Variants in GOLPH3L observed in about 807,000 individuals in gnomAD.
The protein encoded by GOLPH3L is golgi phosphoprotein 3 like.
GOLPH3L carries 22 observed loss-of-function variants against 30.3 expected under a neutral mutation model. The ratio of observed to expected loss-of-function variants is 0.73; its 90% CI spans 0.52 to 1.04. The LOEUF (loss-of-function observed/expected upper bound fraction) is 1.04. Ranked by LOEUF, GOLPH3L falls within the 50% of genes least tolerant of loss-of-function variation. The pLI is 0.00. For missense variants in GOLPH3L, 303 were observed against 345.8 expected, an observed-to-expected ratio of 0.88 and a Z score of 0.98; for synonymous variants, 120 against 128.2, an observed-to-expected ratio of 0.94 and a Z score of 0.43.
intron 2 of GOLPH3L, among the ~76,000 whole-genome samples, chr1:150,683,957 T>C (rs2101814082): frequency 6.6e-6 from 1 of 152,222 alleles, no homozygotes; most frequent in South Asian, 2.1e-4. Flanking sequence ...ATAACCCCCA[T>C]TACCTCAGAA....
intron 4 of GOLPH3L, among the ~76,000 whole-genome samples, chr1:150,659,344 G>A (rs1432175153): frequency 6.6e-6 from 1 of 152,200 alleles, no homozygotes. Flanking sequence ...CTGGAAGGTT[G>A]TGGGTTTACT....
chr1:150,675,645 A>G (rs1200995426), intron 2 of GOLPH3L, among the ~76,000 whole-genome samples: 9 of 151,836 alleles, frequency 5.9e-5, no homozygotes, highest in Non-Finnish European at 1.3e-4. Context: ...GTGTGGTGGC[A>G]TGTGCCTGTA....
chr1:150,661,808 T>A lies in GOLPH3L; in HGVS notation c.430+6A>T, dbSNP rs1262048668. On this transcript the variant is annotated splice_donor_region_variant and intron_variant, in intron 4 of 4. Coordinates refer to ENST00000271732, the MANE Select transcript of GOLPH3L (RefSeq NM_018178.6). ...GAAATTCATATATTATTTTAAGTCA[T>A]CTTACCAGTGAGTAGCTCTATCCAT... 3 of 1,201,010 alleles carry A rather than the reference T, an allele frequency of 2.5e-6. No individual in the cohort carries two copies. The highest frequency in any genetic ancestry group is 3.7e-6 in the Non-Finnish European group (3 of 802,598). The allele number at this position is 1,201,010 out of a possible 1,614,324, so 74.4% of individuals were successfully genotyped here.
chr1:150,664,375 CAG>C (rs1194063684), intron 2 of GOLPH3L, among the ~76,000 whole-genome samples: 1 of 152,080 alleles, frequency 6.6e-6, no homozygotes, highest in African/African-American at 2.4e-5. Flanking sequence ...CACAAAATTT[CAG>C]AGTGGGGTAA....
chr1:150,673,396 T>C (rs1650689103), intron 2 of GOLPH3L, among the ~76,000 whole-genome samples: 1 of 151,894 alleles, frequency 6.6e-6, no homozygotes, highest in African/African-American at 2.4e-5. Context: ...ACCCTGTCTC[T>C]ACTAAAAACA....
chr1:150,694,902 T>C, intron 1 of GOLPH3L, 52 bp from the exon 2 acceptor site: 2 of 899,860 alleles, frequency 2.2e-6, no homozygotes, highest in South Asian at 3.3e-5. Flanking sequence ...TGTAAATAAA[T>C]CATATATTCA....
intron 2 of GOLPH3L, among the ~76,000 whole-genome samples, chr1:150,678,640 C>T (rs1208187585): frequency 6.6e-6 from 1 of 151,940 alleles, no homozygotes. Context: ...TTTTTGTATG[C>T]CTGAATTATT....
chr1:150,667,742 G>A (rs981927801), intron 2 of GOLPH3L, among the ~76,000 whole-genome samples: 2 of 151,738 alleles, frequency 1.3e-5, no homozygotes, highest in African/African-American at 2.4e-5. Flanking sequence ...ACAGGCGCCC[G>A]CCACCACACC....
intron 2 of GOLPH3L, among the ~76,000 whole-genome samples, chr1:150,670,149 C>T (rs587773734): frequency 1.3e-5 from 2 of 151,876 alleles, no homozygotes; most frequent in East Asian, 3.9e-4. Context: ...GTAATCCCAG[C>T]CACTCAGGAA....
In GOLPH3L at chr1:150,653,114, G is replaced by A. The variant is rs1650160830; in HGVS notation, c.431-4366C>T. Among the ~76,000 whole-genome samples, 4 of 142,440 alleles carry A rather than the reference G, an allele frequency of 2.8e-5. No homozygotes were observed. In the Admixed American group the frequency reaches 2.9e-4, roughly 10 times the overall value. 93.4% of individuals were successfully genotyped at this position (142,440 alleles called of 152,430 possible). A position where few individuals can be genotyped will look rare whatever the true frequency, so the allele number is the denominator to read the frequency against. On this transcript the variant is annotated intron_variant, in intron 4 of 4. Coordinates refer to ENST00000271732, the MANE Select transcript of GOLPH3L (RefSeq NM_018178.6). ...AGTCTGGGTAACATAGTGAAACTTT[G>A]TCTAAAAAAACAAAACAAAACAAAA...
chr1:150,661,396 A>C (rs1650365456), intron 4 of GOLPH3L, among the ~76,000 whole-genome samples: 1 of 152,204 alleles, frequency 6.6e-6, no homozygotes, highest in South Asian at 2.1e-4. Context: ...CATTATTCAC[A>C]ATACCCAAAA....
chr1:150,667,590 T>A (rs1360754093), intron 2 of GOLPH3L, among the ~76,000 whole-genome samples: 1 of 143,656 alleles, frequency 7.0e-6, no homozygotes. Flanking sequence ...TCTTTTTTTT[T>A]CTTTCTTTTT....
In GOLPH3L at chr1:150,664,825, C is replaced by G. The variant is rs1200097674; in HGVS notation, c.184-1062G>C. Reference sequence around the variant, plus strand: ...AAGTGCCTTGGTTATGTTACTTAAACTTTCTGAAGTACATTGTCCTCATCT... The same window carrying G: ...AAGTGCCTTGGTTATGTTACTTAAAGTTTCTGAAGTACATTGTCCTCATCT... On this transcript the variant is annotated intron_variant, in intron 2 of 4. Transcript: ENST00000271732. Among the ~76,000 whole-genome samples the G allele has an allele frequency of 2.0e-5, 3 of 152,128 alleles. No individual in the cohort carries two copies. The South Asian group carries it at 6.2e-4, about 32-fold the overall frequency.
chr1:150,688,854 C>T (rs587761354), intron 2 of GOLPH3L, among the ~76,000 whole-genome samples: 13 of 152,284 alleles, frequency 8.5e-5, no homozygotes, highest in African/African-American at 2.6e-4. Flanking sequence ...ATCTGATTTA[C>T]GTGCTTTTCC....
At chr1:150,694,599 A>G in intron 2 of GOLPH3L, 57 bp downstream of exon 2, 1 of 1,103,110 alleles carries the variant, frequency 9.1e-7, no homozygotes, top group Non-Finnish European at 1.3e-6. Flanking sequence ...GTTACTTCCT[A>G]AAACATTCCA....
chr1:150,694,113 C>T, intron 2 of GOLPH3L: 1 of 433,898 alleles, frequency 2.3e-6, no homozygotes, highest in Non-Finnish European at 4.7e-6. Flanking sequence ...CTCACCTCGG[C>T]TCCCCAAAGT....
At chr1:150,668,745 G>GT (rs904956170) in intron 2 of GOLPH3L, among the ~76,000 whole-genome samples, 26 of 150,746 alleles carry the variant, frequency 1.7e-4, no homozygotes, top group East Asian at 7.7e-4. Context: ...GTTAACACTT[G>GT]TTTTTTTTTA....
At chr1:150,654,379 G>A (rs867945975) in intron 4 of GOLPH3L, among the ~76,000 whole-genome samples, 8 of 151,570 alleles carry the variant, frequency 5.3e-5, no homozygotes, top group South Asian at 2.1e-4. Context: ...GGTGGTGGGA[G>A]CCTGTAATCC....
intron 2 of GOLPH3L, among the ~76,000 whole-genome samples, chr1:150,674,483 G>A (rs763905226): frequency 7.2e-5 from 11 of 151,886 alleles, no homozygotes; most frequent in Non-Finnish European, 1.5e-4. Flanking sequence ...GGGTAGTTTC[G>A]AACTCCTGAC....
Sources: allele counts gnomAD v4.1 joint callset (sites outside exome capture counted in the v4.1 genomes callset), GRCh38; gene constraint gnomAD v4.1.1; transcripts MANE v1.5; gene names NCBI Gene and HGNC (gene_info 2026-07-23, HGNC 2026-07-21).